CD163L1: variants seen among roughly 807,000 people sequenced by gnomAD.
CD163L1 encodes the protein scavenger receptor cysteine-rich type 1 protein M160.
A neutral mutation model predicts 165.4 loss-of-function variants in CD163L1; 124 were observed. That is an observed-to-expected ratio of 0.75 (90% CI 0.65 to 0.87). The LOEUF is 0.87. Ranked by LOEUF, CD163L1 falls within the 40% of genes least tolerant of loss-of-function variation. CD163L1 has a pLI of 0.00. For missense variants in CD163L1, 1,525 were observed against 1,799.9 expected, an observed-to-expected ratio of 0.85 and a Z score of 2.76; for synonymous variants, 585 against 662.2, an observed-to-expected ratio of 0.88 and a Z score of 1.79.
the CD163L1 span, among the ~76,000 whole-genome samples, chr12:7,319,295 G>A: frequency 7.9e-5 from 12 of 152,084 alleles, no homozygotes; most frequent in South Asian, 1.5e-3. Context: ...GTGGTAATGC[G>A]GGCAATGGGG....
the CD163L1 span, among the ~76,000 whole-genome samples, chr12:7,340,258 G>A: frequency 6.6e-6 from 1 of 152,082 alleles, no homozygotes; most frequent in Admixed American, 6.6e-5. Context: ...GTAAAACAGG[G>A]TGAAAATACA....
intron 18 of CD163L1, among the ~76,000 whole-genome samples, chr12:7,359,997 T>C (rs1340620226): frequency 6.6e-6 from 1 of 152,174 alleles, no homozygotes; most frequent in Non-Finnish European, 1.5e-5. Context: ...ATGTATATAT[T>C]TAGTTTGGTG....
chr12:7,367,656 G>A (rs1207465568), intron 17 of CD163L1: 1 of 222,416 alleles, frequency 4.5e-6, no homozygotes, highest in Non-Finnish European at 8.9e-6. Context: ...TTAGGAAATT[G>A]GAGTTTGGAA....
intron 2 of CD163L1, among the ~76,000 whole-genome samples, chr12:7,437,067 GTATTT>G (rs1948724268): frequency 6.8e-6 from 1 of 148,016 alleles, no homozygotes; most frequent in African/African-American, 2.5e-5. Flanking sequence ...CCACAAATTG[GTATTT>G]TAAACAATAG....
Position 7,444,144 on chromosome 12 carries a change from C to A in CD163L1, c.-17G>T. The A allele has an allele frequency of 6.2e-7, 1 of 1,613,456 alleles. No homozygotes were observed. The highest frequency in any genetic ancestry group is 8.5e-7 in the Non-Finnish European group (1 of 1,179,552). The stretch of plus-strand genomic sequence containing the variant: ...CAGCATCATTATGGGTCTATCTCTT[C>A]CTGAGTCCTGATGTAACTCCTGGGT... On this transcript the variant is annotated 5_prime_UTR_variant, in exon 1 of 20. Coordinates refer to ENST00000313599, the MANE Select transcript of CD163L1 (RefSeq NM_174941.6).
intron 4 of CD163L1, among the ~76,000 whole-genome samples, chr12:7,417,129 C>A (rs1198428232): frequency 6.6e-6 from 1 of 152,124 alleles, no homozygotes; most frequent in East Asian, 1.9e-4. Flanking sequence ...AGAGGTCCTT[C>A]ATGTCCCTTG....
chr12:7,433,544 G>T lies in CD163L1; in HGVS notation c.275C>A (p.Pro92Gln). 3 of 1,614,148 alleles carry T rather than the reference G, an allele frequency of 1.9e-6. No individual in the cohort carries two copies. The highest frequency in any genetic ancestry group is 2.5e-6 in the Non-Finnish European group (3 of 1,180,030). ...AAAACGAAACATGGCGAAAGAAAAT[G>T]GACATCCAAGCTGTTTGCACACGAC... ...STVVCKQLGC[P>Q]FSFAMFRFGQ... Residue 92 changes from proline to glutamine, a missense_variant, in exon 3 of 20, where the codon CCA (proline) becomes CAA (glutamine). Pro to Gln is a moderately conservative substitution (Grantham distance 76). Coordinates refer to ENST00000313599, the MANE Select transcript of CD163L1 (RefSeq NM_174941.6).
the CD163L1 span, chr12:7,326,876 G>T: frequency 7.6e-6 from 10 of 1,319,358 alleles, no homozygotes; most frequent in African/African-American, 1.3e-4. Context: ...CACACAAACT[G>T]TTATTAATAA....
intron 4 of CD163L1, among the ~76,000 whole-genome samples, chr12:7,415,274 A>C (rs1380974469): frequency 7.2e-5 from 11 of 152,138 alleles, no homozygotes; most frequent in Non-Finnish European, 1.3e-4. Context: ...AATATGCGTC[A>C]TGTAAGCTTT....
chr12:7,318,845 T>C, the CD163L1 span, among the ~76,000 whole-genome samples: 1 of 152,178 alleles, frequency 6.6e-6, no homozygotes, highest in East Asian at 1.9e-4. Context: ...TGTGTGTGAA[T>C]AAAAGCTCTT....
intron 9 of CD163L1, among the ~76,000 whole-genome samples, chr12:7,377,011 C>T (rs149351066): frequency 1.2e-4 from 19 of 152,304 alleles, no homozygotes; most frequent in South Asian, 2.1e-4. Flanking sequence ...TAAACTCCTA[C>T]GAAGACCTGC....
chr12:7,336,547 G>C, the CD163L1 span, among the ~76,000 whole-genome samples: 4 of 152,152 alleles, frequency 2.6e-5, no homozygotes, highest in African/African-American at 9.6e-5. Context: ...TTAGGAGATA[G>C]ACCTAATGCT....
chr12:7,367,154 G>T (rs370178528), intron 18 of CD163L1, 82 bp downstream of exon 18: 1 of 727,810 alleles, frequency 1.4e-6, no homozygotes. Context: ...CATCTCCATC[G>T]AGTGGGAGTT....
the CD163L1 span, among the ~76,000 whole-genome samples, chr12:7,322,141 A>G: frequency 6.6e-6 from 1 of 152,208 alleles, no homozygotes; most frequent in Non-Finnish European, 1.5e-5. Context: ...CATTAATAGC[A>G]TCTTCTCCTG....
intron 4 of CD163L1, among the ~76,000 whole-genome samples, chr12:7,428,779 G>A (rs1000484489): frequency 6.6e-6 from 1 of 152,028 alleles, no homozygotes; most frequent in Non-Finnish European, 1.5e-5. Flanking sequence ...GACATTTGTG[G>A]TTACTTAAAC....
chr12:7,372,850 A>G lies in CD163L1; in HGVS notation c.3730+470T>C, dbSNP rs896392072. ...AAAATCTCTACAATAAACATATTAAATTTTAATCAAATAAGACAATTTACA... is the reference window on the plus strand; with the variant it reads ...AAAATCTCTACAATAAACATATTAAGTTTTAATCAAATAAGACAATTTACA... On this transcript the variant is annotated intron_variant, in intron 14 of 19. Transcript: ENST00000313599. This position sits in a 1 kb window ranked among gnomAD's most constrained non-coding sequence, Gnocchi z 4.2. Among the ~76,000 whole-genome samples the G allele has an allele frequency of 6.6e-6, 1 of 152,080 alleles. No homozygotes were observed. The highest frequency in any genetic ancestry group is 1.5e-5 in the Non-Finnish European group (1 of 67,968).
At chr12:7,370,505 T>C (rs1947122876) in intron 14 of CD163L1, among the ~76,000 whole-genome samples, 1 of 152,168 alleles carries the variant, frequency 6.6e-6, no homozygotes, top group Non-Finnish European at 1.5e-5. Flanking sequence ...GTTCCCGTAA[T>C]AGTATAGGAA....
intron 2 of CD163L1, among the ~76,000 whole-genome samples, chr12:7,437,170 T>TAAC (rs1325479616): frequency 1.3e-3 from 24 of 19,054 alleles, no homozygotes; most frequent in Non-Finnish European, 1.6e-3. Context: ...TTTTTATTAA[T>TAAC]AGTATTACTT....
chr12:7,404,194 A>G (rs11053707), intron 5 of CD163L1, among the ~76,000 whole-genome samples: 1,895 of 152,140 alleles, frequency 0.012, 47 homozygotes, highest in African/African-American at 0.043. Flanking sequence ...AGCCATATAA[A>G]CCTATATATC....
Sources: gnomAD v4.1 joint callset for allele counts (sites outside exome capture counted in the v4.1 genomes callset) on GRCh38, gnomAD v4.1.1 for gene constraint, Gnocchi (gnomAD v3.1) non-coding constraint, MANE v1.5 for transcripts, NCBI Gene and HGNC (gene_info 2026-07-23, HGNC 2026-07-21) for gene names.